MIA2: variants seen among roughly 807,000 people sequenced by gnomAD.
MIA2 encodes MIA SH3 domain ER export factor 2.
MIA2 carries 127 observed loss-of-function variants against 167.8 expected under a neutral mutation model. The ratio of observed to expected loss-of-function variants is 0.76; its 90% CI spans 0.66 to 0.88. The LOEUF (loss-of-function observed/expected upper bound fraction) is 0.88, where lower values mean the gene tolerates loss of function less well. Ranked by LOEUF, MIA2 falls within the 40% of genes least tolerant of loss-of-function variation. The pLI is 0.00. For synonymous variants in MIA2, 552 were observed against 541.9 expected (o/e 1.02, Z -0.26); for missense variants, 1,690 against 1,624.7 (o/e 1.04, Z -0.69).
At chr14:39,351,994 CG>C (rs1282006302), downstream of MIA2, among the ~76,000 whole-genome samples, 1 of 134,818 alleles carries the variant, frequency 7.4e-6, no homozygotes, top group African/African-American at 2.9e-5. Context: ...GTCAAATGAC[CG>C]ATTTTTTTTT....
In MIA2 at chr14:39,299,305, C is replaced by CTTT. The variant is rs34424266; in HGVS notation, c.2497-540_2497-538dup. Among the ~76,000 whole-genome samples the CTTT allele has an allele frequency of 3.2e-3, 300 of 95,080 alleles. 15 individuals carry two copies. The highest frequency in any genetic ancestry group is 0.019 in the Middle Eastern group (2 of 104). 62.4% of individuals were successfully genotyped at this position (95,080 alleles called of 152,430 possible). ...GATCTGTTCTAGATTAATGGTATTT[C>CTTT]TTTTTTTTTTTTTTTTTTTTTGAGA... On this transcript the variant is annotated intron_variant, in intron 13 of 28. Transcript: ENST00000640607.
chr14:39,339,209 T>A (rs1425884953), intron 25 of MIA2, among the ~76,000 whole-genome samples: 1 of 152,174 alleles, frequency 6.6e-6, no homozygotes, highest in Non-Finnish European at 1.5e-5. Flanking sequence ...AATGCTCGCT[T>A]GCCCTCCTCA....
At chr14:39,273,960 A>G (rs938167779) in intron 6 of MIA2, among the ~76,000 whole-genome samples, 2 of 152,204 alleles carry the variant, frequency 1.3e-5, no homozygotes, top group African/African-American at 2.4e-5. Context: ...GTTATAGTCA[A>G]GTATTCACAG....
chr14:39,300,650 C>T (rs2062241278), intron 14 of MIA2, among the ~76,000 whole-genome samples: 1 of 119,604 alleles, frequency 8.4e-6, no homozygotes, highest in African/African-American at 3.4e-5. Context: ...AGGAACATCA[C>T]ACACCGGGAC....
chr14:39,288,493 G>T (rs1228403162), intron 9 of MIA2, among the ~76,000 whole-genome samples: 48 of 26,368 alleles, frequency 1.8e-3, no homozygotes, highest in South Asian at 9.5e-3. Flanking sequence ...TTTTTTTTTT[G>T]AGACGGAGTC....
At chr14:39,328,760 A>G (rs944759312) in intron 25 of MIA2, among the ~76,000 whole-genome samples, 1 of 152,122 alleles carries the variant, frequency 6.6e-6, no homozygotes, top group African/African-American at 2.4e-5. Context: ...AGGTTTGTCA[A>G]AGATCAGTTG....
In MIA2 at chr14:39,278,380, A is replaced by G. The variant is rs116577811; in HGVS notation, c.2020-957A>G. On this transcript the variant is annotated intron_variant, in intron 7 of 28. Transcript: ENST00000640607. ...TTTTTCAATTTCTTTATGGTTTTCTATACCTTTTGAGAGTTCCTTAATCTG... is the reference window on the plus strand; with the variant it reads ...TTTTTCAATTTCTTTATGGTTTTCTGTACCTTTTGAGAGTTCCTTAATCTG... Among the ~76,000 whole-genome samples the G allele has an allele frequency of 9.0e-3, 1,365 of 152,192 alleles. 13 individuals carry two copies. Among genetic ancestry groups the G allele is most frequent in the African/African-American group, 0.03 (1,251 of 41,528 alleles).
intron 23 of MIA2, among the ~76,000 whole-genome samples, chr14:39,369,875 AAC>A (rs1179432628): frequency 6.6e-6 from 1 of 152,162 alleles, no homozygotes; most frequent in African/African-American, 2.4e-5. Context: ...TGTTTTAAAA[AAC>A]AACACCCCGT....
chr14:39,365,176 C>T (rs1389846576), intron 23 of MIA2, among the ~76,000 whole-genome samples: 39 of 152,106 alleles, frequency 2.6e-4, no homozygotes, highest in Admixed American at 2.6e-3. Context: ...AGCAATCCTC[C>T]TACCTCAGCT....
At chr14:39,386,615 T>C in intron 23 of MIA2, 1 of 1,059,734 alleles carries the variant, frequency 9.4e-7, no homozygotes, top group Admixed American at 2.4e-5. Flanking sequence ...TTCTTTTTTT[T>C]CTTTTTTTTT....
intron 17 of MIA2, among the ~76,000 whole-genome samples, chr14:39,306,261 A>T (rs2063324464): frequency 6.6e-6 from 1 of 152,194 alleles, no homozygotes; most frequent in African/African-American, 2.4e-5. Context: ...CATTGCTGTA[A>T]AGAACTACCT....
chr14:39,385,940 A>T, intron 23 of MIA2: 1 of 827,728 alleles, frequency 1.2e-6, no homozygotes, highest in Non-Finnish European at 2.1e-6. Flanking sequence ...GTGGGGAGAG[A>T]CACACTGAGA....
intron 2 of MIA2, among the ~76,000 whole-genome samples, chr14:39,238,808 A>AAAAAAAAAAAAAAAAAC (rs2053903272): frequency 6.8e-6 from 1 of 148,128 alleles, no homozygotes; most frequent in Admixed American, 6.8e-5. Context: ...AAAAAAAAAA[A>AAAAAAAAAAAAAAAAAC]AAACCCAAAA....
rs570531525 is a variant in MIA2 at position 39,321,109 on chromosome 14, T to A, written c.3496+53T>A. The A allele has an allele frequency of 1.5e-5, 23 of 1,530,824 alleles. No individual in the cohort carries two copies. In the Middle Eastern group the frequency reaches 5.1e-4, roughly 34 times the overall value. 94.8% of individuals were successfully genotyped at this position (1,530,824 alleles called of 1,614,324 possible). ...CTAGATTTCTTCCTTACTTTATATT[T>A]TCATCTCAACTTACCTTAAAAATGA... On this transcript the variant is annotated intron_variant, in intron 24 of 28. Coordinates refer to ENST00000640607, the MANE Select transcript of MIA2 (RefSeq NM_001329214.4).
At chr14:39,298,537 T>TA (rs148951664) in intron 13 of MIA2, among the ~76,000 whole-genome samples, 1 of 99,540 alleles carries the variant, frequency 1.0e-5, no homozygotes, top group African/African-American at 3.7e-5. Flanking sequence ...AGAGTTTTTT[T>TA]TTTTTTTTTT....
chr14:39,299,241 G>T (rs1172088031), intron 13 of MIA2, among the ~76,000 whole-genome samples: 1 of 147,712 alleles, frequency 6.8e-6, no homozygotes, highest in Admixed American at 6.7e-5. Flanking sequence ...TTCCTTTCCT[G>T]TAAAAGTATA....
exon 24 of MIA2, chr14:39,387,119 C>G (rs1299212629): frequency 1.8e-6 from 1 of 564,288 alleles, no homozygotes; most frequent in African/African-American, 1.9e-5. Context: ...TGGTGCTCAA[C>G]GGAAGCCGAC....
At chr14:39,294,686 C>T (rs1010025928) in intron 12 of MIA2, among the ~76,000 whole-genome samples, 1 of 152,082 alleles carries the variant, frequency 6.6e-6, no homozygotes, top group African/African-American at 2.4e-5. Context: ...AAATTTGCTG[C>T]ACAGTACATA....
chr14:39,326,930 A>G lies in MIA2; in HGVS notation c.3563A>G (p.Asp1188Gly), dbSNP rs199546926. ...ITNERGESSC[D>G]RLTDPHRAPS... ...AATGAAAGAGGAGAATCAAGCTGTG[A>G]TAGGTTAACCGATCCTCATAGGGCT... The change falls in exon 25 of 29, where the codon GAT becomes GGT. Residue 1188 changes from aspartate (D) to glycine (G), a missense_variant. Transcript: ENST00000640607. The G allele has an allele frequency of 1.9e-5, 31 of 1,598,404 alleles. No homozygotes were observed. The Admixed American group carries it at 4.7e-4, about 24-fold the overall frequency.
Sources: allele counts gnomAD v4.1 joint callset (sites outside exome capture counted in the v4.1 genomes callset), GRCh38; gene constraint gnomAD v4.1.1; transcripts MANE v1.5; gene names NCBI Gene and HGNC (gene_info 2026-07-23, HGNC 2026-07-21).